Variants in USP15 observed in about 807,000 individuals in gnomAD.
USP15 encodes ubiquitin carboxyl-terminal hydrolase 15.
In USP15, 18 loss-of-function variants were observed where a neutral mutation model predicts 127.1. The observed-to-expected ratio is 0.14, with a 90% CI of 0.10 to 0.21. The LOEUF is 0.21. USP15 is among the 10% of genes least tolerant of loss of function. The pLI is 1.00. For synonymous variants in USP15, 364 were observed against 393.7 expected, an observed-to-expected ratio of 0.92 and a Z score of 0.89; for missense variants, 805 against 1,159.9, an observed-to-expected ratio of 0.69 and a Z score of 4.44.
chr12:62,370,534 A>G (rs1048061428), intron 8 of USP15, among the ~76,000 whole-genome samples: 3 of 152,186 alleles, frequency 2.0e-5, no homozygotes, highest in Admixed American at 6.5e-5. Flanking sequence ...TAGTTTCTTC[A>G]TCTGTGAAAT....
At chr12:62,402,390 A>G (rs1042539659) in intron 21 of USP15, among the ~76,000 whole-genome samples, 3 of 152,048 alleles carry the variant, frequency 2.0e-5, no homozygotes, top group African/African-American at 7.2e-5. Flanking sequence ...CATGATAAGT[A>G]CTATTAAATA....
chr12:62,282,480 C>A (rs1235280574), intron 1 of USP15, among the ~76,000 whole-genome samples: 1 of 152,100 alleles, frequency 6.6e-6, no homozygotes, highest in Non-Finnish European at 1.5e-5. Flanking sequence ...ACTGTACTTA[C>A]CCTTTTTGTA....
At chr12:62,303,979 A>G (rs2064401456) in intron 3 of USP15, among the ~76,000 whole-genome samples, 2 of 151,802 alleles carry the variant, frequency 1.3e-5, no homozygotes, top group East Asian at 1.9e-4. Flanking sequence ...AAGGTAGCCT[A>G]TTTAGCTGTA....
chr12:62,313,310 A>G (rs969732297), intron 3 of USP15, among the ~76,000 whole-genome samples: 6 of 151,690 alleles, frequency 4.0e-5, no homozygotes, highest in South Asian at 4.1e-4. Context: ...TTAGAAAACT[A>G]TGCCTATTTA....
intron 6 of USP15, among the ~76,000 whole-genome samples, chr12:62,344,493 A>T (rs1047956551): frequency 6.6e-6 from 1 of 152,098 alleles, no homozygotes; most frequent in Non-Finnish European, 1.5e-5. Context: ...ATGGGCCAGC[A>T]TTGTCTGCAG....
rs2068117043 is a variant in USP15 at position 62,414,783 on chromosome 12, T to G, written c.*10408T>G. On this transcript the variant is annotated 3_prime_UTR_variant, in exon 22 of 22. Transcript: ENST00000280377. ...GGCAGTCCCTTCCTACTTCAGTCCA[T>G]TATCCTGCTACCAGAATGATCTTCA... The G allele has an allele frequency of 6.6e-6, 1 of 151,774 alleles. No homozygotes were observed. The highest frequency in any genetic ancestry group is 1.5e-5 in the Non-Finnish European group (1 of 67,984). The allele number at this position is 151,774 out of a possible 1,614,324, so 9.4% of individuals were successfully genotyped here.
Position 62,392,407 on chromosome 12 carries a change from A to T in USP15, c.2420+20A>T. 1 of 1,532,292 alleles carries T rather than the reference A, an allele frequency of 6.5e-7. No individual in the cohort carries two copies. 94.9% of individuals were successfully genotyped at this position (1,532,292 alleles called of 1,614,324 possible). A position where few individuals can be genotyped will look rare whatever the true frequency, so the allele number is the denominator to read the frequency against. On this transcript the variant is annotated intron_variant, in intron 18 of 21. Transcript: ENST00000280377. ...TCCCTGGTAAGAGACAAAATTAAAT[A>T]ATTGTTTTTGTTTTCTTTAAGGATT...
chr12:62,263,772 G>A (rs899411761), intron 1 of USP15, among the ~76,000 whole-genome samples: 12 of 152,090 alleles, frequency 7.9e-5, no homozygotes, highest in Non-Finnish European at 1.6e-4. Context: ...AGAAAAACAC[G>A]AACAAAATTT....
intron 11 of USP15, among the ~76,000 whole-genome samples, chr12:62,386,734 A>G (rs1275526253): frequency 6.6e-6 from 1 of 152,158 alleles, no homozygotes; most frequent in African/African-American, 2.4e-5. Flanking sequence ...CCTAAAAACT[A>G]GGGAAGCCAT....
In USP15 at chr12:62,381,626, C is replaced by G; in HGVS notation, c.1052C>G (p.Ser351Cys). 1 of 1,612,312 alleles carries G rather than the reference C, an allele frequency of 6.2e-7. No individual in the cohort carries two copies. Residue 351 changes from serine to cysteine, a missense_variant, in exon 9 of 22, where the codon TCT becomes TGT. By Grantham distance (112) the Ser-to-Cys change is moderately radical (BLOSUM62 -1). Coordinates refer to ENST00000280377, the MANE Select transcript of USP15 (RefSeq NM_001252078.2). ...SYAELIKQMW[S>C]GKFSYVTPRA... ...GCCGAACTGATCAAGCAAATGTGGT[C>G]TGGAAAGTTTAGCTACGTCACCCCA...
In USP15 at chr12:62,391,432, A is replaced by G; in HGVS notation, c.2233+3A>G. 1 of 1,595,726 alleles carries G rather than the reference A, an allele frequency of 6.3e-7. No homozygotes were observed. Among genetic ancestry groups the G allele is most frequent in the Non-Finnish European group, 8.5e-7 (1 of 1,174,686 alleles). ...TGATAGGCAGCTTAGGCTAGATGGTAAGTATTTGTGAAAAATGGCTTGAAC... is the reference window on the plus strand; with the variant it reads ...TGATAGGCAGCTTAGGCTAGATGGTGAGTATTTGTGAAAAATGGCTTGAAC... On this transcript the variant is annotated splice_donor_region_variant and intron_variant, in intron 16 of 21. Coordinates refer to ENST00000280377, the MANE Select transcript of USP15 (RefSeq NM_001252078.2).
chr12:62,314,063 G>T, intron 3 of USP15: 4 of 862,924 alleles, frequency 4.6e-6, no homozygotes, highest in Non-Finnish European at 5.6e-6. Context: ...TATTTAAAAG[G>T]TGACCTTAAT....
At chr12:62,260,751 T>G (rs1000761729) in intron 1 of USP15, among the ~76,000 whole-genome samples, 7 of 152,180 alleles carry the variant, frequency 4.6e-5, no homozygotes, top group African/African-American at 1.7e-4. Context: ...CGGTTCTGAC[T>G]CGTGCGGTTC....
At chr12:62,263,888 A>G (rs1224956766) in intron 1 of USP15, among the ~76,000 whole-genome samples, 1 of 152,260 alleles carries the variant, frequency 6.6e-6, no homozygotes, top group African/African-American at 2.4e-5. Context: ...GATGAGACAA[A>G]AAGATAATTT....
At chr12:62,376,855 G>A (rs1449524057) in intron 8 of USP15, among the ~76,000 whole-genome samples, 1 of 151,998 alleles carries the variant, frequency 6.6e-6, no homozygotes, top group African/African-American at 2.4e-5. Flanking sequence ...CAGGATAAAA[G>A]GGAAGTTTTC....
intron 1 of USP15, among the ~76,000 whole-genome samples, chr12:62,281,200 C>A (rs973806777): frequency 1.3e-5 from 2 of 152,122 alleles, no homozygotes; most frequent in African/African-American, 2.4e-5. Context: ...GAAATAAAAT[C>A]TTTTCATTTA....
intron 7 of USP15, among the ~76,000 whole-genome samples, chr12:62,352,468 C>G (rs369963771): frequency 1.8e-3 from 281 of 152,052 alleles, no homozygotes; most frequent in Non-Finnish European, 2.8e-3. Flanking sequence ...GCTATATTTG[C>G]TTTGGTATAT....
At chr12:62,266,026 C>G (rs895279738) in intron 1 of USP15, among the ~76,000 whole-genome samples, 4 of 152,106 alleles carry the variant, frequency 2.6e-5, no homozygotes, top group Non-Finnish European at 5.9e-5. Flanking sequence ...AATCTTAACA[C>G]CTTGCTTCTG....
intron 3 of USP15, among the ~76,000 whole-genome samples, chr12:62,310,187 T>A (rs1392567755): frequency 6.6e-6 from 1 of 151,938 alleles, no homozygotes; most frequent in African/African-American, 2.4e-5. Context: ...TTGTACAAAT[T>A]AGTGGTGTAC....
Sources: allele counts gnomAD v4.1 joint callset (sites outside exome capture counted in the v4.1 genomes callset), GRCh38; gene constraint gnomAD v4.1.1; transcripts MANE v1.5; gene names NCBI Gene and HGNC (gene_info 2026-07-23, HGNC 2026-07-21).